The following MAGI2 variants were observed in gnomAD, a reference collection of about 807,000 sequenced individuals.
The protein encoded by MAGI2 is membrane associated guanylate kinase, WW and PDZ domain containing 2.
Under a neutral mutation model 133.3 loss-of-function variants are expected in MAGI2, and 35 were observed. The observed-to-expected ratio is 0.26, with a 90% CI of 0.20 to 0.35. MAGI2 has a LOEUF of 0.35. MAGI2 is among the 10% of genes least tolerant of loss of function. MAGI2 has a pLI of 1.00. For synonymous variants in MAGI2, 729 were observed against 710.6 expected (o/e 1.03, Z -0.41); for missense variants, 1,636 against 1,863.4 (o/e 0.88, Z 2.25).
rs10242271 is a variant in MAGI2 at position 79,079,007 on chromosome 7, T to A, written c.302-71801A>T. Among the ~76,000 whole-genome samples the A allele has an allele frequency of 3.2e-3, 486 of 152,302 alleles. 1 individual carries two copies. The highest frequency in any genetic ancestry group is 0.011 in the African/African-American group (476 of 41,568). On this transcript the variant is annotated intron_variant, in intron 1 of 21. Coordinates refer to ENST00000354212, the MANE Select transcript of MAGI2 (RefSeq NM_012301.4). ...GATAAATACATTTTTAATGCACAGC[T>A]AGTATCTTGAGAATTCTTTTCTCCC...
At chr7:78,982,833 A>AAAGAGGATGAAAATGGAAAG (rs1330484936) in intron 2 of MAGI2, among the ~76,000 whole-genome samples, 62 of 152,026 alleles carry the variant, frequency 4.1e-4, no homozygotes, top group African/African-American at 1.5e-3. Flanking sequence ...CTAAAAAGCC[A>AAAGAGGATGAAAATGGAAAG]AAGAGGATGA....
At chr7:78,647,082 A>G (rs1460596251) in intron 2 of MAGI2, among the ~76,000 whole-genome samples, 1 of 152,184 alleles carries the variant, frequency 6.6e-6, no homozygotes, top group African/African-American at 2.4e-5. Context: ...CTAGGAATTT[A>G]TCATAAAAAT....
chr7:78,717,675 T>TA (rs1349006580), intron 2 of MAGI2, among the ~76,000 whole-genome samples: 2 of 152,196 alleles, frequency 1.3e-5, no homozygotes, highest in African/African-American at 4.8e-5. Context: ...GCTCCAAACT[T>TA]ACAGCTATTA....
intron 10 of MAGI2, chr7:78,253,828 G>C (rs1364920975): frequency 6.6e-6 from 1 of 152,048 alleles, no homozygotes; most frequent in Non-Finnish European, 1.5e-5. Flanking sequence ...CTGATATAAG[G>C]ACCCAGGCCT....
intron 2 of MAGI2, among the ~76,000 whole-genome samples, chr7:78,701,650 C>T (rs1818087066): frequency 6.6e-6 from 1 of 151,826 alleles, no homozygotes; most frequent in South Asian, 2.1e-4. Context: ...TTTCTTTCTT[C>T]CTTTTCTTCC....
At chr7:78,869,777 T>G (rs750569815) in intron 2 of MAGI2, among the ~76,000 whole-genome samples, 2 of 152,116 alleles carry the variant, frequency 1.3e-5, no homozygotes, top group African/African-American at 2.4e-5. Flanking sequence ...TCCTACTAGG[T>G]TCCTCCCTCA....
chr7:78,677,711 G>A (rs947519095), intron 2 of MAGI2, among the ~76,000 whole-genome samples: 4 of 152,048 alleles, frequency 2.6e-5, no homozygotes, highest in Admixed American at 2.0e-4. Flanking sequence ...TAGAAAATTA[G>A]AACTCTTTGG....
At chr7:78,524,672 T>C (rs1420694259) in intron 3 of MAGI2, among the ~76,000 whole-genome samples, 1 of 152,218 alleles carries the variant, frequency 6.6e-6, no homozygotes, top group African/African-American at 2.4e-5. Context: ...GACCTCTATA[T>C]GTACCAGACA....
In MAGI2 at chr7:78,241,252, G is replaced by A. The variant is rs935378508; in HGVS notation, c.2047+14691C>T. Among the ~76,000 whole-genome samples the A allele has an allele frequency of 5.3e-5, 8 of 151,942 alleles. No homozygotes were observed. In the East Asian group the frequency reaches 9.7e-4, roughly 18 times the overall value. ...GGAAACTGACAAAATATAAAAACTC[G>A]CTACAATTACAGTCAGAAGATTCAG... is the stretch of plus-strand genomic sequence containing the variant. On this transcript the variant is annotated intron_variant, in intron 10 of 21. Coordinates refer to ENST00000354212, the MANE Select transcript of MAGI2 (RefSeq NM_012301.4).
intron 1 of MAGI2, among the ~76,000 whole-genome samples, chr7:79,390,567 A>G (rs969812817): frequency 6.6e-6 from 1 of 152,154 alleles, no homozygotes; most frequent in Non-Finnish European, 1.5e-5. Flanking sequence ...CATAGAAGAG[A>G]TGGTCAGGAA....
intron 3 of MAGI2, among the ~76,000 whole-genome samples, chr7:78,571,609 G>C (rs1406488871): frequency 6.6e-6 from 1 of 152,100 alleles, no homozygotes; most frequent in Non-Finnish European, 1.5e-5. Context: ...GGACAACTCA[G>C]TGAGACAACT....
intron 2 of MAGI2, among the ~76,000 whole-genome samples, chr7:78,885,556 C>T (rs1158401064): frequency 6.6e-6 from 1 of 151,734 alleles, no homozygotes; most frequent in African/African-American, 2.4e-5. Flanking sequence ...AGAGCACAGG[C>T]CAATGTTAGA....
At chr7:79,307,939 C>A (rs1187894590) in intron 1 of MAGI2, among the ~76,000 whole-genome samples, 3 of 152,098 alleles carry the variant, frequency 2.0e-5, no homozygotes, top group Admixed American at 2.0e-4. Context: ...TCAGTCTTTC[C>A]TCTTTAACCA....
intron 1 of MAGI2, among the ~76,000 whole-genome samples, chr7:79,305,623 G>T (rs1280048040): frequency 2.6e-5 from 4 of 151,902 alleles, no homozygotes; most frequent in Admixed American, 1.3e-4. Flanking sequence ...TTTAAAAAGG[G>T]ATCTAGGCTG....
At chr7:78,293,115 T>A (rs553099571) in intron 9 of MAGI2, among the ~76,000 whole-genome samples, 8 of 152,138 alleles carry the variant, frequency 5.3e-5, no homozygotes, top group African/African-American at 1.9e-4. Flanking sequence ...GCTTGTGCAC[T>A]GCAAAAGAAA....
intron 2 of MAGI2, among the ~76,000 whole-genome samples, chr7:78,891,198 T>C (rs145334411): frequency 0.062 from 9,407 of 152,260 alleles, 357 homozygotes; most frequent in Middle Eastern, 0.11. Context: ...AATTTCTGAA[T>C]AGACCAATAA....
chr7:78,701,870 T>C (rs762705052), intron 2 of MAGI2, among the ~76,000 whole-genome samples: 2 of 152,088 alleles, frequency 1.3e-5, no homozygotes, highest in Non-Finnish European at 1.5e-5. Flanking sequence ...CTGCAACCTT[T>C]GAGGAGAACT....
chr7:78,864,966 C>T (rs534850276), intron 2 of MAGI2, among the ~76,000 whole-genome samples: 7 of 152,208 alleles, frequency 4.6e-5, no homozygotes, highest in Middle Eastern at 6.8e-3. Flanking sequence ...CCCAGGAACG[C>T]GCAACTAGTT....
intron 6 of MAGI2, among the ~76,000 whole-genome samples, chr7:78,428,690 A>T (rs1799511202): frequency 6.6e-6 from 1 of 152,182 alleles, no homozygotes; most frequent in Non-Finnish European, 1.5e-5. Flanking sequence ...CCCCATAAAA[A>T]GCCTGACTTG....
Sources: allele counts gnomAD v4.1 joint callset (sites outside exome capture counted in the v4.1 genomes callset), GRCh38; gene constraint gnomAD v4.1.1; transcripts MANE v1.5; gene names NCBI Gene and HGNC (gene_info 2026-07-23, HGNC 2026-07-21).